C9orf85: variants seen among roughly 807,000 people sequenced by gnomAD.
C9orf85 encodes chromosome 9 open reading frame 85, also known as uncharacterized protein C9orf85.
C9orf85 carries 16 observed loss-of-function variants against 14.9 expected under a neutral mutation model. That is an observed-to-expected ratio of 1.08 (90% CI 0.73 to 1.63). The LOEUF (loss-of-function observed/expected upper bound fraction) is 1.63, where lower values mean the gene tolerates loss of function less well. C9orf85 is among the 40% of genes most tolerant of loss of function. The pLI is 0.00. For synonymous variants in C9orf85, 45 were observed against 56.8 expected, an observed-to-expected ratio of 0.79 and a Z score of 0.93; for missense variants, 172 against 186.1, an observed-to-expected ratio of 0.92 and a Z score of 0.44.
intron 1 of C9orf85, among the ~76,000 whole-genome samples, chr9:71,927,292 A>G (rs2132267132): frequency 6.7e-6 from 1 of 149,968 alleles, no homozygotes; most frequent in South Asian, 2.1e-4. Flanking sequence ...AAAAGTATAC[A>G]TTTAGGGGTG....
intron 3 of C9orf85, 81 bp from the exon 4 acceptor site, chr9:71,972,611 A>T: frequency 1.0e-6 from 1 of 980,440 alleles, no homozygotes; most frequent in Non-Finnish European, 1.5e-6. Context: ...CAAGAAGTGT[A>T]GTGGTAAAAG....
intron 2 of C9orf85, among the ~76,000 whole-genome samples, chr9:71,969,961 T>TTC (rs1822814390): frequency 1.3e-5 from 2 of 151,794 alleles, no homozygotes; most frequent in Non-Finnish European, 2.9e-5. Flanking sequence ...CTTTTTTTTT[T>TTC]CATACAAAGT....
rs575686188 is a variant in C9orf85 at position 71,972,615 on chromosome 9, G to A, written c.324-77G>A. On this transcript the variant is annotated intron_variant, in intron 3 of 3. Coordinates refer to ENST00000334731, the MANE Select transcript of C9orf85 (RefSeq NM_182505.5). ...TTTCTGTTATTCAAGAAGTGTAGTG[G>A]TAAAAGTCTTTTCAATCTACATGGT... 72 of 1,112,470 alleles carry A rather than the reference G, an allele frequency of 6.5e-5. No homozygotes were observed. In the African/African-American group the frequency reaches 1.1e-3, roughly 16 times the overall value. The allele number at this position is 1,112,470 out of a possible 1,614,324, so 68.9% of individuals were successfully genotyped here.
intron 2 of C9orf85, among the ~76,000 whole-genome samples, chr9:71,969,641 T>G (rs979668879): frequency 3.9e-5 from 6 of 152,234 alleles, no homozygotes; most frequent in Non-Finnish European, 8.8e-5. Flanking sequence ...GAGTTTAATT[T>G]ACTGTTCTAT....
intron 2 of C9orf85, among the ~76,000 whole-genome samples, chr9:71,951,745 A>C (rs539583847): frequency 6.6e-6 from 1 of 152,306 alleles, no homozygotes; most frequent in South Asian, 2.1e-4. Flanking sequence ...AAGAACCCCA[A>C]AATAAATGAA....
Position 71,940,231 on chromosome 9 carries a change from A to G in C9orf85, c.103-6775A>G, listed in dbSNP as rs377371497. 6.6e-5 allele frequency among the ~76,000 whole-genome samples: 10 copies of G among 152,208 alleles called. No individual in the cohort carries two copies. In the South Asian group the frequency reaches 1.9e-3, roughly 28 times the overall value. On this transcript the variant is annotated intron_variant, in intron 1 of 3. Coordinates refer to ENST00000334731, the MANE Select transcript of C9orf85 (RefSeq NM_182505.5). Reference sequence around the variant, plus strand: ...AATAATAAGAAAATGAACAATTTAAAAAAAAAAGACGCAAAAGATTTGAAT... The same window carrying G: ...AATAATAAGAAAATGAACAATTTAAGAAAAAAAGACGCAAAAGATTTGAAT...
At chr9:71,930,318 GA>G (rs2132273302) in intron 1 of C9orf85, among the ~76,000 whole-genome samples, 1 of 152,190 alleles carries the variant, frequency 6.6e-6, no homozygotes, top group East Asian at 1.9e-4. Context: ...GAAGATCTGA[GA>G]AGATAGAAAC....
At chr9:71,929,339 G>T (rs1042927983) in intron 1 of C9orf85, among the ~76,000 whole-genome samples, 1 of 152,134 alleles carries the variant, frequency 6.6e-6, no homozygotes. Flanking sequence ...ATACCGTACC[G>T]GTTGGACAAG....
chr9:71,945,312 G>C (rs1822056457), intron 1 of C9orf85, among the ~76,000 whole-genome samples: 1 of 152,224 alleles, frequency 6.6e-6, no homozygotes, highest in Non-Finnish European at 1.5e-5. Flanking sequence ...CAAAGGTTGA[G>C]AGGACGAAGA....
intron 2 of C9orf85, among the ~76,000 whole-genome samples, chr9:71,959,417 G>A (rs1377386863): frequency 1.3e-5 from 2 of 152,148 alleles, no homozygotes; most frequent in African/African-American, 4.8e-5. Context: ...GATTACAGGC[G>A]TGAGCCACTG....
At chr9:71,978,290 T>TA (rs1823040504), downstream of C9orf85, among the ~76,000 whole-genome samples, 2 of 152,010 alleles carry the variant, frequency 1.3e-5, no homozygotes, top group South Asian at 4.1e-4. Flanking sequence ...TTGTATTTTT[T>TA]ATGGAGACAG....
intron 1 of C9orf85, among the ~76,000 whole-genome samples, chr9:71,915,457 G>A (rs1247135919): frequency 6.6e-6 from 1 of 152,004 alleles, no homozygotes; most frequent in African/African-American, 2.4e-5. Flanking sequence ...GATTACAGGT[G>A]TGAGCCACCG....
intron 1 of C9orf85, among the ~76,000 whole-genome samples, chr9:71,931,849 G>A (rs147080721): frequency 1.2e-3 from 179 of 152,180 alleles, no homozygotes; most frequent in African/African-American, 4.2e-3. Context: ...AGTATATCAC[G>A]TCCTTAATAG....
chr9:71,975,418 G>A (rs1427723324), downstream of C9orf85, among the ~76,000 whole-genome samples: 1 of 148,926 alleles, frequency 6.7e-6, no homozygotes, highest in Non-Finnish European at 1.5e-5. Flanking sequence ...TACAGCCTGG[G>A]TGACAAGAGC....
At chr9:71,961,358 G>A (rs1046281822) in intron 2 of C9orf85, among the ~76,000 whole-genome samples, 9 of 151,864 alleles carry the variant, frequency 5.9e-5, no homozygotes, top group Non-Finnish European at 8.8e-5. Flanking sequence ...TCAGAAGTTC[G>A]AGACCAGCCT....
At chr9:71,982,722 G>A (rs911890855) in exon 4 of C9orf85, 14 of 344,122 alleles carry the variant, frequency 4.1e-5, no homozygotes, top group African/African-American at 1.8e-4. Context: ...CACAACCTCC[G>A]CCTCCCTTGT....
chr9:71,914,998 A>G (rs1241838430), intron 1 of C9orf85, among the ~76,000 whole-genome samples: 1 of 152,154 alleles, frequency 6.6e-6, no homozygotes, highest in Admixed American at 6.5e-5. Context: ...GTGATGTCCA[A>G]CGAAAAGAGC....
intron 1 of C9orf85, among the ~76,000 whole-genome samples, chr9:71,930,760 C>G (rs1828051567): frequency 6.7e-6 from 1 of 149,158 alleles, no homozygotes; most frequent in Non-Finnish European, 1.5e-5. Context: ...AGCCGTGATC[C>G]CACCACTGCA....
At chr9:71,916,420 A>T (rs1010363380) in intron 1 of C9orf85, among the ~76,000 whole-genome samples, 1 of 152,142 alleles carries the variant, frequency 6.6e-6, no homozygotes, top group African/African-American at 2.4e-5. Flanking sequence ...TGTATACTAG[A>T]TCTCACTTTT....
Sources: allele counts gnomAD v4.1 joint callset (sites outside exome capture counted in the v4.1 genomes callset), GRCh38; gene constraint gnomAD v4.1.1; transcripts MANE v1.5; gene names NCBI Gene and HGNC (gene_info 2026-07-23, HGNC 2026-07-21).